Variants in FSHR observed in about 807,000 individuals in gnomAD.
FSHR encodes follicle-stimulating hormone receptor.
Under a neutral mutation model 52.1 loss-of-function variants are expected in FSHR, and 46 were observed. That is an observed-to-expected ratio of 0.88 (90% CI 0.70 to 1.13). The LOEUF is 1.13. FSHR is among the 50% of genes most tolerant of loss of function. FSHR has a pLI of 0.00. For synonymous variants in FSHR, 399 were observed against 309.6 expected (o/e 1.29, Z -3.03); for missense variants, 964 against 834.6 (o/e 1.16, Z -1.91).
chr2:48,985,383 C>T (rs1375084005), intron 6 of FSHR, among the ~76,000 whole-genome samples: 1 of 151,916 alleles, frequency 6.6e-6, no homozygotes, highest in Middle Eastern at 3.2e-3. Context: ...CGAAGCAGGT[C>T]TCTCCTGAGG....
At chr2:48,972,862 A>C (rs1674806867) in intron 8 of FSHR, among the ~76,000 whole-genome samples, 1 of 152,224 alleles carries the variant, frequency 6.6e-6, no homozygotes, top group South Asian at 2.1e-4. Context: ...TTGAGTTTAC[A>C]GTATAAAAAT....
At chr2:49,046,261 GT>G (rs1668649431) in intron 2 of FSHR, among the ~76,000 whole-genome samples, 1 of 152,194 alleles carries the variant, frequency 6.6e-6, no homozygotes, top group Non-Finnish European at 1.5e-5. Flanking sequence ...CTGAATTTGT[GT>G]TTATGTACGT....
intron 1 of FSHR, among the ~76,000 whole-genome samples, chr2:49,078,116 C>G (rs1467964922): frequency 6.6e-6 from 1 of 152,158 alleles, no homozygotes; most frequent in African/African-American, 2.4e-5. Context: ...CTGATAAAGA[C>G]ATTTCTGAGA....
At chr2:48,994,827 G>A (rs1468689400) in intron 4 of FSHR, among the ~76,000 whole-genome samples, 1 of 152,142 alleles carries the variant, frequency 6.6e-6, no homozygotes, top group African/African-American at 2.4e-5. Context: ...AAAGGTAACT[G>A]ACTCAGAGTT....
At chr2:49,005,128 T>A (rs1474982099) in intron 4 of FSHR, among the ~76,000 whole-genome samples, 3 of 152,112 alleles carry the variant, frequency 2.0e-5, no homozygotes, top group Non-Finnish European at 4.4e-5. Context: ...GATCAAGTGA[T>A]CTCTTTGCTG....
intron 1 of FSHR, among the ~76,000 whole-genome samples, chr2:49,074,882 G>T (rs1365530304): frequency 6.6e-6 from 1 of 152,058 alleles, no homozygotes; most frequent in Non-Finnish European, 1.5e-5. Flanking sequence ...CCTGTCATTT[G>T]CAGCAACATG....
intron 4 of FSHR, among the ~76,000 whole-genome samples, chr2:49,010,962 A>G (rs1667247440): frequency 6.6e-6 from 1 of 151,136 alleles, no homozygotes; most frequent in South Asian, 2.1e-4. Flanking sequence ...AATTTTGTTG[A>G]TCCTTTCAAA....
chr2:49,127,248 A>G (rs1672035034), intron 1 of FSHR, among the ~76,000 whole-genome samples: 1 of 151,988 alleles, frequency 6.6e-6, no homozygotes, highest in Admixed American at 6.6e-5. Context: ...GAATCGCTTG[A>G]ACCTGGGAGG....
chr2:49,140,709 A>G (rs563452573), intron 1 of FSHR, among the ~76,000 whole-genome samples: 8 of 152,192 alleles, frequency 5.3e-5, no homozygotes, highest in Middle Eastern at 3.4e-3. Context: ...ATCTCAAAAA[A>G]AGAGAGAAAA....
chr2:49,066,743 A>C (rs1002883731), intron 2 of FSHR, among the ~76,000 whole-genome samples: 1 of 152,094 alleles, frequency 6.6e-6, no homozygotes, highest in Non-Finnish European at 1.5e-5. Flanking sequence ...TGAATACCCA[A>C]TGAGGGGTCA....
At position 48,989,055 on chromosome 2, in the gene FSHR, C is replaced by T. The variant is rs199518506; in HGVS notation, c.447-1G>A. 2.5e-6 allele frequency: 4 copies of T among 1,611,760 alleles called. No individual in the cohort carries two copies. The African/African-American group carries it at 4.0e-5, about 16-fold the overall frequency. On this transcript the variant is annotated splice_acceptor_variant, in intron 5 of 9. Coordinates refer to ENST00000406846, the MANE Select transcript of FSHR (RefSeq NM_000145.4). LOFTEE classifies it high-confidence loss of function. ...GATGTTTATGTTATCTTGAATGTCA[C>T]TAGAAGAAAGTACAGACAAATAAGA...
intron 2 of FSHR, among the ~76,000 whole-genome samples, chr2:49,059,883 T>C (rs1441917499): frequency 1.4e-4 from 22 of 152,018 alleles, no homozygotes; most frequent in Admixed American, 1.4e-3. Context: ...ACCAAAAAGC[T>C]GCAGAGCCAA....
chr2:49,065,072 A>G (rs1237075702), intron 2 of FSHR, among the ~76,000 whole-genome samples: 2 of 152,284 alleles, frequency 1.3e-5, no homozygotes, highest in East Asian at 1.9e-4. Context: ...AAGCTGTCAC[A>G]TTCTAAATAT....
chr2:48,981,015 C>T (rs1675222986), intron 8 of FSHR, among the ~76,000 whole-genome samples: 1 of 152,162 alleles, frequency 6.6e-6, no homozygotes, highest in South Asian at 2.1e-4. Context: ...GGGCTTTTTG[C>T]TAAGTGAAAC....
chr2:49,038,390 G>A (rs990635100), intron 2 of FSHR, among the ~76,000 whole-genome samples: 4 of 151,980 alleles, frequency 2.6e-5, no homozygotes, highest in African/African-American at 9.7e-5. Flanking sequence ...GGGAGGCCAA[G>A]GCGGGCGGAT....
intron 8 of FSHR, among the ~76,000 whole-genome samples, chr2:48,972,004 T>C (rs1674762566): frequency 6.6e-6 from 1 of 152,242 alleles, no homozygotes; most frequent in Admixed American, 6.5e-5. Context: ...TATATGCTGA[T>C]GGCGCTAAAA....
In FSHR at chr2:49,080,211, T is replaced by C. The variant is rs1322429144; in HGVS notation, c.153-11921A>G. ...GAAAATCCCACAGTATCCATGCTGG[T>C]GAGGCAGTGGAACAGTAGGATATTT... On this transcript the variant is annotated intron_variant, in intron 1 of 9. Transcript: ENST00000406846. 3.9e-5 allele frequency among the ~76,000 whole-genome samples: 6 copies of C among 152,320 alleles called. 1 individual carries two copies. Among genetic ancestry groups the C allele is most frequent in the South Asian group, 4.1e-4 (2 of 4,824 alleles).
chr2:49,106,659 C>A (rs117758175), intron 1 of FSHR, among the ~76,000 whole-genome samples: 27 of 152,282 alleles, frequency 1.8e-4, no homozygotes, highest in South Asian at 6.2e-4. Context: ...TTCTTGACAC[C>A]GAATCTGTGT....
Position 48,962,569 on chromosome 2 carries a change from G to C in FSHR, c.*164C>G, listed in dbSNP as rs978005091. The C allele has an allele frequency of 1.5e-6, 1 of 659,490 alleles. No individual in the cohort carries two copies. Among genetic ancestry groups the C allele is most frequent in the Non-Finnish European group, 2.6e-6 (1 of 379,888 alleles). The allele number at this position is 659,490 out of a possible 1,614,324, so 40.9% of individuals were successfully genotyped here. A position where few individuals can be genotyped will look rare whatever the true frequency, so the allele number is the denominator to read the frequency against. On this transcript the variant is annotated 3_prime_UTR_variant, in exon 10 of 10. Transcript: ENST00000406846. ...GTTACTAATAATTCAGCTTCCTAATGTATCACATGGAATTAATAGTTCCTG... is the reference window on the plus strand; with the variant it reads ...GTTACTAATAATTCAGCTTCCTAATCTATCACATGGAATTAATAGTTCCTG...
Sources: gnomAD v4.1 joint callset for allele counts (sites outside exome capture counted in the v4.1 genomes callset) on GRCh38, gnomAD v4.1.1 for gene constraint, MANE v1.5 for transcripts, NCBI Gene and HGNC (gene_info 2026-07-23, HGNC 2026-07-21) for gene names.